The following CIB2 variants were observed in gnomAD, a reference collection of about 807,000 sequenced individuals.
CIB2 encodes calcium and integrin binding family member 2.
A neutral mutation model predicts 23.1 loss-of-function variants in CIB2; 19 were observed. The observed-to-expected ratio is 0.82, with a 90% CI of 0.57 to 1.21. The LOEUF (loss-of-function observed/expected upper bound fraction) is 1.21, where lower values mean the gene tolerates loss of function less well. CIB2 is among the 50% of genes most tolerant of loss of function. The pLI is 0.00. For synonymous variants in CIB2, 94 were observed against 91.7 expected (o/e 1.03, Z -0.14); for missense variants, 220 against 241.5 (o/e 0.91, Z 0.59).
At chr15:78,129,294 C>T (rs1410546303) in intron 1 of CIB2, among the ~76,000 whole-genome samples, 1 of 152,068 alleles carries the variant, frequency 6.6e-6, no homozygotes, top group African/African-American at 2.4e-5. Flanking sequence ...TCTCCCACCC[C>T]GCCTGGCAGG....
At chr15:78,105,624 T>C in intron 5 of CIB2, 115 bp downstream of exon 5, 1 of 1,575,572 alleles carries the variant, frequency 6.3e-7, no homozygotes, top group Non-Finnish European at 8.6e-7. Flanking sequence ...CGTGACCTCC[T>C]GCTTCCTGGC....
chr15:78,105,558 C>T (rs946121450), intron 5 of CIB2, 181 bp downstream of exon 5: 106 of 1,480,676 alleles, frequency 7.2e-5, no homozygotes, highest in African/African-American at 2.2e-4. Flanking sequence ...GGTCTTCAAC[C>T]TTCCCCCTGC....
At chr15:78,117,491 A>G (rs4886558) in intron 2 of CIB2, among the ~76,000 whole-genome samples, 139,665 of 152,228 alleles carry the variant, frequency 0.92, 64,349 homozygotes, top group East Asian at 1. Flanking sequence ...TTTGAAATCA[A>G]TGGGGAAAAG....
intron 2 of CIB2, among the ~76,000 whole-genome samples, chr15:78,118,743 A>G (rs76837710): frequency 0.025 from 3,793 of 152,266 alleles, 159 homozygotes; most frequent in African/African-American, 0.088. Flanking sequence ...ATATGTTCAC[A>G]TTATTATGCA....
At chr15:78,106,827 T>A (rs1465904606) in intron 4 of CIB2, among the ~76,000 whole-genome samples, 1 of 152,134 alleles carries the variant, frequency 6.6e-6, no homozygotes. Flanking sequence ...CTGACATTAA[T>A]GGTAGTGACA....
chr15:78,115,764 G>A (rs1372369028), intron 2 of CIB2, among the ~76,000 whole-genome samples: 4 of 128,206 alleles, frequency 3.1e-5, no homozygotes, highest in African/African-American at 6.0e-5. Context: ...TGCAGCCTCC[G>A]CCTCCTGGGT....
At chr15:78,116,155 C>A (rs547565156) in intron 2 of CIB2, among the ~76,000 whole-genome samples, 1 of 151,898 alleles carries the variant, frequency 6.6e-6, no homozygotes, top group South Asian at 2.1e-4. Context: ...ACAGGAGGTG[C>A]CGATTTAAAG....
chr15:78,108,703 C>A (rs986746097), intron 4 of CIB2, among the ~76,000 whole-genome samples: 9 of 152,180 alleles, frequency 5.9e-5, no homozygotes, highest in African/African-American at 2.2e-4. Flanking sequence ...AGTGATCCTT[C>A]TAGAAAACAG....
intron 1 of CIB2, among the ~76,000 whole-genome samples, chr15:78,128,974 G>A (rs2074418219): frequency 6.6e-6 from 1 of 152,350 alleles, no homozygotes; most frequent in South Asian, 2.1e-4. Flanking sequence ...AGGAGCAGCA[G>A]TGGGTGTTGG....
At chr15:78,122,695 C>T (rs2074335527) in intron 2 of CIB2, among the ~76,000 whole-genome samples, 1 of 152,224 alleles carries the variant, frequency 6.6e-6, no homozygotes, top group South Asian at 2.1e-4. Flanking sequence ...TTGCCCAAGG[C>T]CACAGATGCC....
chr15:78,131,154 G>T lies in CIB2; in HGVS notation c.51+11C>A. On this transcript the variant is annotated intron_variant, in intron 1 of 5. Transcript: ENST00000258930. The surrounding 1 kb of genome is among the most constrained non-coding windows in gnomAD (Gnocchi z 5.8). Reference sequence around the variant, plus strand: ...GGGGCCTGTGTTGGGGGCCGGGCGCGCCGAGCTCACCTGGTAGTTGTCTAG... The same window carrying T: ...GGGGCCTGTGTTGGGGGCCGGGCGCTCCGAGCTCACCTGGTAGTTGTCTAG... 1 of 1,581,820 alleles carries T rather than the reference G, an allele frequency of 6.3e-7. No homozygotes were observed.
chr15:78,123,622 C>A (rs938729823), intron 2 of CIB2, 83 bp downstream of exon 2: 23 of 1,433,528 alleles, frequency 1.6e-5, no homozygotes, highest in Non-Finnish European at 2.2e-5. Flanking sequence ...GCCCCAGGAG[C>A]ACAGCCAGCC....
intron 3 of CIB2, 34 bp from the exon 4 acceptor site, chr15:78,109,416 G>T: frequency 6.2e-7 from 1 of 1,612,754 alleles, no homozygotes; most frequent in Non-Finnish European, 8.5e-7. Flanking sequence ...CACTGTGGGT[G>T]CAGGATAAGC....
rs3214707 is a variant in CIB2 at position 78,109,192 on chromosome 15, T to TC, written c.346+42dup. 0.087 allele frequency: 104,349 copies of TC among 1,196,104 alleles called. 10,317 individuals carry two copies. The highest frequency in any genetic ancestry group is 0.29 in the African/African-American group (16,782 of 58,422). The allele number at this position is 1,196,104 out of a possible 1,614,324, so 74.1% of individuals were successfully genotyped here. ...CAGACAGCCTAAGGGCCCCACATGTTCCCCCACCGCATATTCAGGCCCCCT... is the reference window on the plus strand; with the variant it reads ...CAGACAGCCTAAGGGCCCCACATGTTCCCCCCACCGCATATTCAGGCCCCCT... On this transcript the variant is annotated intron_variant, in intron 4 of 5. Coordinates refer to ENST00000258930, the MANE Select transcript of CIB2 (RefSeq NM_006383.4).
chr15:78,125,953 C>A (rs979116620), intron 1 of CIB2, among the ~76,000 whole-genome samples: 10 of 152,168 alleles, frequency 6.6e-5, no homozygotes, highest in African/African-American at 2.2e-4. Flanking sequence ...ATGCACCTGG[C>A]ACCTGGGGCT....
At chr15:78,123,638 G>T (rs2074346838) in intron 2 of CIB2, 67 bp downstream of exon 2, 2 of 1,550,528 alleles carry the variant, frequency 1.3e-6, no homozygotes, top group African/African-American at 1.4e-5. Flanking sequence ...CAGCCCATGT[G>T]GGGTGCCCCA....
chr15:78,123,682 G>T, intron 2 of CIB2, 23 bp downstream of exon 2: 1 of 1,613,876 alleles, frequency 6.2e-7, no homozygotes, highest in Non-Finnish European at 8.5e-7. Flanking sequence ...GTCCCAACAG[G>T]GTGAACGAGA....
At chr15:78,123,811 C>A (rs900970238) in intron 1 of CIB2, 72 bp from the exon 2 acceptor site, 27 of 1,542,782 alleles carry the variant, frequency 1.8e-5, no homozygotes, top group Non-Finnish European at 2.2e-5. Context: ...GGCCTCGATG[C>A]CACAGGGCTC....
intron 2 of CIB2, among the ~76,000 whole-genome samples, chr15:78,117,283 T>TAAAAAA (rs1265422874): frequency 2.3e-4 from 31 of 133,492 alleles, no homozygotes; most frequent in East Asian, 4.4e-4. Flanking sequence ...AAAGTTTGTT[T>TAAAAAA]AAAAGAATAA....
Sources: allele counts gnomAD v4.1 joint callset (sites outside exome capture counted in the v4.1 genomes callset), GRCh38; gene constraint gnomAD v4.1.1; non-coding constraint Gnocchi (gnomAD v3.1); transcripts MANE v1.5; gene names NCBI Gene and HGNC (gene_info 2026-07-23, HGNC 2026-07-21).